Variants in ACTMAP observed in about 807,000 individuals in gnomAD.
The protein encoded by ACTMAP is UPF0692 protein C19orf54.
At chr19:40,746,270 A>C in the ACTMAP span, among the ~76,000 whole-genome samples, 19,241 of 151,930 alleles carry the variant, frequency 0.13, 1,382 homozygotes, top group Middle Eastern at 0.19. Flanking sequence ...CTCCGGCTGG[A>C]GTGCAATGGT....
the ACTMAP span, chr19:40,741,970 C>A: frequency 2.3e-6 from 1 of 440,580 alleles, no homozygotes; most frequent in African/African-American, 2.0e-5. Context: ...GAGTGATCCG[C>A]AGCAGAGGGC....
At chr19:40,748,886 C>A in the ACTMAP span, among the ~76,000 whole-genome samples, 2 of 152,154 alleles carry the variant, frequency 1.3e-5, no homozygotes, top group Non-Finnish European at 2.9e-5. Flanking sequence ...GGGTCAGACA[C>A]CCCTCTGGGC....
the ACTMAP span, chr19:40,743,856 G>A: frequency 6.3e-7 from 1 of 1,597,206 alleles, no homozygotes; most frequent in Non-Finnish European, 8.6e-7. Context: ...ATTAATGGAG[G>A]CCGGGGAGAC....
At chr19:40,744,517 G>A in the ACTMAP span, 1 of 1,608,592 alleles carries the variant, frequency 6.2e-7, no homozygotes, top group Non-Finnish European at 8.5e-7. Flanking sequence ...TCTGGTCCCA[G>A]CCTCATGAAG....
At chr19:40,745,965 GC>G in the ACTMAP span, among the ~76,000 whole-genome samples, 1 of 152,162 alleles carries the variant, frequency 6.6e-6, no homozygotes, top group Non-Finnish European at 1.5e-5. Flanking sequence ...GAGCCACCGT[GC>G]CCGACTCTTT....
At chr19:40,744,640 G>C in the ACTMAP span, 1 of 1,613,660 alleles carries the variant, frequency 6.2e-7, no homozygotes, top group East Asian at 2.2e-5. Context: ...CCACTGGGGG[G>C]CGACAGGAGA....
chr19:40,742,440 C>CT, the ACTMAP span: 1 of 1,459,424 alleles, frequency 6.9e-7, no homozygotes, highest in Non-Finnish European at 9.1e-7. Flanking sequence ...CAGCTAATGG[C>CT]TGCAGTCCTG....
the ACTMAP span, among the ~76,000 whole-genome samples, chr19:40,745,970 ACT>A: frequency 6.6e-6 from 1 of 151,474 alleles, no homozygotes; most frequent in Non-Finnish European, 1.5e-5. Flanking sequence ...ACCGTGCCCG[ACT>A]CTTTTTATTT....
the ACTMAP span, among the ~76,000 whole-genome samples, chr19:40,746,702 G>T: frequency 6.6e-6 from 1 of 152,070 alleles, no homozygotes; most frequent in African/African-American, 2.4e-5. Context: ...TAGATACGGG[G>T]TTTCTCCATG....
At chr19:40,743,903 A>C in the ACTMAP span, 1 of 1,613,958 alleles carries the variant, frequency 6.2e-7, no homozygotes, top group Non-Finnish European at 8.5e-7. Flanking sequence ...GGGGGAACCC[A>C]CCTGCACTCA....
At chr19:40,749,404 A>C in the ACTMAP span, 18 of 1,174,792 alleles carry the variant, frequency 1.5e-5, no homozygotes, top group African/African-American at 6.6e-5. Context: ...GGACACGGGA[A>C]CCCCCCCCCC....
the ACTMAP span, among the ~76,000 whole-genome samples, chr19:40,748,211 C>T: frequency 6.6e-6 from 1 of 152,096 alleles, no homozygotes; most frequent in Non-Finnish European, 1.5e-5. Flanking sequence ...CGCCTGTAAT[C>T]CCACCACTTT....
chr19:40,747,107 C>T, the ACTMAP span, among the ~76,000 whole-genome samples: 40 of 152,128 alleles, frequency 2.6e-4, no homozygotes, highest in South Asian at 8.3e-3. Flanking sequence ...GTGCCCGGCC[C>T]ATGCTTATTA....
chr19:40,743,152 CT>C, the ACTMAP span, among the ~76,000 whole-genome samples: 1 of 152,096 alleles, frequency 6.6e-6, no homozygotes, highest in Non-Finnish European at 1.5e-5. Context: ...CCAACCTGGC[CT>C]TCTTTCTTTC....
the ACTMAP span, chr19:40,741,886 GA>G: frequency 2.2e-6 from 1 of 454,758 alleles, no homozygotes; most frequent in East Asian, 7.0e-5. Flanking sequence ...TGAGGTGGGG[GA>G]GGGGTGTCTT....
At chr19:40,745,963 G>A in the ACTMAP span, among the ~76,000 whole-genome samples, 3 of 152,148 alleles carry the variant, frequency 2.0e-5, no homozygotes, top group Non-Finnish European at 4.4e-5. Context: ...GTGAGCCACC[G>A]TGCCCGACTC....
the ACTMAP span, chr19:40,744,984 G>A: frequency 8.2e-6 from 8 of 975,940 alleles, no homozygotes; most frequent in South Asian, 1.5e-5. Context: ...GCACTCAGAA[G>A]CCTGAGTGGA....
the ACTMAP span, chr19:40,744,212 A>G: frequency 6.5e-7 from 1 of 1,546,898 alleles, no homozygotes; most frequent in Non-Finnish European, 8.7e-7. Flanking sequence ...GGGTGAGAGC[A>G]CACAGAGGGG....
the ACTMAP span, chr19:40,741,026 C>G: frequency 2.5e-6 from 1 of 398,726 alleles, no homozygotes; most frequent in African/African-American, 2.1e-5. Flanking sequence ...TGTTACAATG[C>G]AGGGGACACA....
Sources: allele counts gnomAD v4.1 joint callset (sites outside exome capture counted in the v4.1 genomes callset), GRCh38; gene constraint gnomAD v4.1.1; transcripts MANE v1.5; gene names NCBI Gene and HGNC (gene_info 2026-07-23, HGNC 2026-07-21).